Variants in TM2D3 observed in about 807,000 individuals in gnomAD.
The protein encoded by TM2D3 is TM2 domain-containing protein 3.
In TM2D3, 33 loss-of-function variants were observed where a neutral mutation model predicts 27.3. That is an observed-to-expected ratio of 1.21 (90% confidence interval 0.92 to 1.61). The LOEUF (loss-of-function observed/expected upper bound fraction) is 1.61, where lower values mean the gene tolerates loss of function less well. TM2D3 is among the 40% of genes most tolerant of loss of function. The pLI, the probability that TM2D3 is intolerant of heterozygous loss-of-function variation, is 0.00. For missense variants in TM2D3, 364 were observed against 320.8 expected, an observed-to-expected ratio of 1.13 and a Z score of -1.03; for synonymous variants, 138 against 122.2, an observed-to-expected ratio of 1.13 and a Z score of -0.85.
chr15:101,651,669 T>G, intron 2 of TM2D3, 27 bp downstream of exon 2: 1 of 1,603,672 alleles, frequency 6.2e-7, no homozygotes, highest in South Asian at 1.1e-5. Context: ...ACTACATGTA[T>G]TTACTAGAAT....
At position 101,646,759 on chromosome 15, in the gene TM2D3, G is replaced by C; in HGVS notation, c.468C>G (p.Ala156=). The C allele has an allele frequency of 1.9e-6, 3 of 1,614,226 alleles. No individual in the cohort carries two copies. Among genetic ancestry groups the C allele is most frequent in the Non-Finnish European group, 2.5e-6 (3 of 1,180,046 alleles). ...GGACGTGGTCCCGCACCGTGCAGTTGGCAGGGTAGCGCTGCCGAGGACAGG... is the reference window on the plus strand; with the variant it reads ...GGACGTGGTCCCGCACCGTGCAGTTCGCAGGGTAGCGCTGCCGAGGACAGG... ...TVSCPRQRYP[A]NCTVRDHVHC... is the part of the protein sequence containing the mutation. Residue 156 remains alanine (A), a synonymous_variant, in exon 4 of 6, where the codon GCC becomes GCG. Coordinates refer to ENST00000333202, the MANE Select transcript of TM2D3 (RefSeq NM_078474.3).
At chr15:101,633,751 T>C in intron 4 of TM2D3, 1 of 1,522,738 alleles carries the variant, frequency 6.6e-7, no homozygotes, top group Non-Finnish European at 8.8e-7. Context: ...AGAAGAAGAA[T>C]TTAAAAGAAA....
rs552216947 is a variant in TM2D3, at chr15:101,647,277, C to T, written c.328-378G>A. Among the ~76,000 whole-genome samples, 6 of 152,284 alleles carry T rather than the reference C, an allele frequency of 3.9e-5. No homozygotes were observed. The East Asian group carries it at 9.6e-4, about 24-fold the overall frequency. On this transcript the variant is annotated intron_variant, in intron 3 of 5. Coordinates refer to ENST00000333202, the MANE Select transcript of TM2D3 (RefSeq NM_078474.3). ...AATTTATTTTAGAAAGTCACAATCACGGATGGCTGGAAGGAACTGATGAAT... is the reference window on the plus strand; with the variant it reads ...AATTTATTTTAGAAAGTCACAATCATGGATGGCTGGAAGGAACTGATGAAT...
downstream of TM2D3, among the ~76,000 whole-genome samples, chr15:101,640,232 TG>T (rs1896636269): frequency 6.6e-6 from 1 of 152,084 alleles, no homozygotes; most frequent in Non-Finnish European, 1.5e-5. Flanking sequence ...TATCAGGAGG[TG>T]GGACCTTTGG....
downstream of TM2D3, among the ~76,000 whole-genome samples, chr15:101,638,463 T>G (rs1439271239): frequency 5.9e-5 from 9 of 151,752 alleles, no homozygotes; most frequent in Admixed American, 5.9e-4. Flanking sequence ...CCCACCTAAT[T>G]GTTTTGTATT....
intron 3 of TM2D3, among the ~76,000 whole-genome samples, chr15:101,649,088 C>T (rs1022643187): frequency 3.9e-5 from 6 of 152,270 alleles, no homozygotes; most frequent in African/African-American, 1.4e-4. Flanking sequence ...TAATTAAATA[C>T]TATGAGAAAA....
chr15:101,640,308 C>T (rs1596260902), downstream of TM2D3, among the ~76,000 whole-genome samples: 4 of 152,142 alleles, frequency 2.6e-5, no homozygotes, highest in Admixed American at 2.6e-4. Context: ...AGAAGAGGCC[C>T]CAGAGAGATC....
chr15:101,648,625 C>G (rs748892003), intron 3 of TM2D3, among the ~76,000 whole-genome samples: 2 of 152,218 alleles, frequency 1.3e-5, no homozygotes, highest in Non-Finnish European at 2.9e-5. Flanking sequence ...GCTGATTCTA[C>G]ACATAGGCAC....
In TM2D3 at chr15:101,642,168, G is replaced by C. The variant is rs1896684574; in HGVS notation, c.*311C>G. The C allele has an allele frequency of 4.9e-6, 5 of 1,028,784 alleles. No homozygotes were observed. The highest frequency in any genetic ancestry group is 5.8e-6 in the Non-Finnish European group (5 of 858,764). 63.7% of individuals were successfully genotyped at this position (1,028,784 alleles called of 1,614,324 possible). A position where few individuals can be genotyped will look rare whatever the true frequency, so the allele number is the denominator to read the frequency against. On this transcript the variant is annotated 3_prime_UTR_variant, in exon 6 of 6. Coordinates refer to ENST00000333202, the MANE Select transcript of TM2D3 (RefSeq NM_078474.3). ...CTACATTTGGGCTGGAGATACAAGT[G>C]ATGTAGTTTGACTTGGGCAATACAA...
At chr15:101,649,796 A>G (rs891193354) in intron 3 of TM2D3, among the ~76,000 whole-genome samples, 3 of 152,254 alleles carry the variant, frequency 2.0e-5, no homozygotes, top group African/African-American at 4.8e-5. Context: ...CTGGCTTGAC[A>G]GTTATCATTA....
chr15:101,652,144 G>C (rs2141371745), intron 1 of TM2D3, 127 bp downstream of exon 1: 1 of 907,530 alleles, frequency 1.1e-6, no homozygotes, highest in Non-Finnish European at 1.7e-6. Context: ...AGCGACAAGC[G>C]GCCCGGAGCC....
chr15:101,650,297 C>T, intron 2 of TM2D3, 136 bp from the exon 3 acceptor site: 1 of 813,736 alleles, frequency 1.2e-6, no homozygotes, highest in Non-Finnish European at 1.8e-6. Flanking sequence ...GGACTGGAGT[C>T]AGAGACACCT....
chr15:101,641,294 G>GT (rs997556667), downstream of TM2D3, among the ~76,000 whole-genome samples: 19 of 98,752 alleles, frequency 1.9e-4, no homozygotes, highest in African/African-American at 3.0e-4. Context: ...AACAAAACCA[G>GT]TTTTTTTTTC....
chr15:101,644,141 C>A (rs536220455), intron 5 of TM2D3, among the ~76,000 whole-genome samples: 2 of 152,144 alleles, frequency 1.3e-5, no homozygotes, highest in African/African-American at 4.8e-5. Flanking sequence ...CCATCGCGCC[C>A]GCCCTATCTT....
downstream of TM2D3, among the ~76,000 whole-genome samples, chr15:101,639,871 A>C (rs142006476): frequency 4.6e-3 from 705 of 152,302 alleles, 6 homozygotes; most frequent in African/African-American, 0.015. Context: ...AATAAATGAG[A>C]GCCTCTGTGT....
intron 1 of TM2D3, 66 bp downstream of exon 1, chr15:101,652,205 C>T (rs775138077): frequency 3.5e-6 from 5 of 1,444,134 alleles, no homozygotes; most frequent in Non-Finnish European, 4.8e-6. Flanking sequence ...GCCCGGCCTC[C>T]TCGCAGCTCC....
chr15:101,644,549 C>T (rs1290292520), intron 5 of TM2D3, among the ~76,000 whole-genome samples: 2 of 152,226 alleles, frequency 1.3e-5, no homozygotes, highest in African/African-American at 4.8e-5. Context: ...GTAACCTTTT[C>T]ACTAATCAGT....
At chr15:101,633,049 C>G (rs1427717233) in exon 5 of TM2D3, 1 of 152,168 alleles carries the variant, frequency 6.6e-6, no homozygotes, top group African/African-American at 2.4e-5. Flanking sequence ...GAAAAACTGT[C>G]ACCCAGAATT....
chr15:101,642,219 A>AT lies in TM2D3; in HGVS notation c.*259dup, dbSNP rs1896686206. 3 of 1,140,604 alleles carry AT rather than the reference A, an allele frequency of 2.6e-6. No individual in the cohort carries two copies. The highest frequency in any genetic ancestry group is 3.2e-6 in the Non-Finnish European group (3 of 930,732). 70.7% of individuals were successfully genotyped at this position (1,140,604 alleles called of 1,614,324 possible). ...AACAAAAGTCATAGGAATTAAATGG[A>AT]TTTTCAATCACTGTATAATTCATTC... On this transcript the variant is annotated 3_prime_UTR_variant, in exon 6 of 6. Transcript: ENST00000333202.
Sources: gnomAD v4.1 joint callset for allele counts (sites outside exome capture counted in the v4.1 genomes callset) on GRCh38, gnomAD v4.1.1 for gene constraint, MANE v1.5 for transcripts, NCBI Gene and HGNC (gene_info 2026-07-23, HGNC 2026-07-21) for gene names.